KITLG: variants seen among roughly 807,000 people sequenced by gnomAD.
KITLG encodes the protein c-Kit ligand.
Under a neutral mutation model 34.1 loss-of-function variants are expected in KITLG, and 13 were observed. The observed-to-expected ratio is 0.38, with a 90% CI of 0.25 to 0.61. The LOEUF (loss-of-function observed/expected upper bound fraction) is 0.61, where lower values mean the gene tolerates loss of function less well. Among genes scored for constraint, KITLG ranks in the 20% least tolerant of loss-of-function variants. The pLI, the probability that KITLG is intolerant of heterozygous loss-of-function variation, is 0.60. For synonymous variants in KITLG, 110 were observed against 104.0 expected, an observed-to-expected ratio of 1.06 and a Z score of -0.35; for missense variants, 292 against 318.9, an observed-to-expected ratio of 0.92 and a Z score of 0.64.
intron 1 of KITLG, among the ~76,000 whole-genome samples, chr12:88,569,469 C>G (rs1488072289): frequency 6.6e-6 from 1 of 152,090 alleles, no homozygotes; most frequent in Non-Finnish European, 1.5e-5. Flanking sequence ...GGAGCCATCA[C>G]TATTGATAAG....
chr12:88,550,139 G>A (rs1252835088), intron 1 of KITLG, among the ~76,000 whole-genome samples: 4 of 152,174 alleles, frequency 2.6e-5, no homozygotes, highest in Non-Finnish European at 5.9e-5. Flanking sequence ...CAGTGAGTAT[G>A]AACAGCTGTT....
At chr12:88,536,059 A>G (rs1237630293) in intron 2 of KITLG, among the ~76,000 whole-genome samples, 1 of 152,196 alleles carries the variant, frequency 6.6e-6, no homozygotes, top group African/African-American at 2.4e-5. Flanking sequence ...TTGGGAGCTA[A>G]TTAAACTAAA....
chr12:88,554,370 A>C (rs1328391768), intron 1 of KITLG, among the ~76,000 whole-genome samples: 1 of 152,226 alleles, frequency 6.6e-6, no homozygotes, highest in Non-Finnish European at 1.5e-5. Flanking sequence ...CAAAGTCAAA[A>C]AGAGAGTTAA....
chr12:88,507,742 C>T lies in KITLG; in HGVS notation c.605-605G>A, dbSNP rs188921080. ...AGTTTGGACTTTTAATGTTGGAAAG[C>T]TTAAGACTAACACTAAGGGGAATGG... On this transcript the variant is annotated intron_variant, in intron 6 of 9. Transcript: ENST00000644744. Among the ~76,000 whole-genome samples, 260 of 152,222 alleles carry T rather than the reference C, an allele frequency of 1.7e-3. 2 individuals are homozygous for T. Among genetic ancestry groups the T allele is most frequent in the Middle Eastern group, 3.4e-3 (1 of 294 alleles).
rs1869347923 is a variant in KITLG at position 88,513,342 on chromosome 12, AG to A, written c.604+2191del. ...AAAAAAAATAATTAACCAAAAAAAA[AG>A]GGCTAGAAATAAGGAACAGAAGGTC... On this transcript the variant is annotated intron_variant, in intron 6 of 9. Coordinates refer to ENST00000644744, the MANE Select transcript of KITLG (RefSeq NM_000899.5). 2.6e-5 allele frequency among the ~76,000 whole-genome samples: 4 copies of A among 151,854 alleles called. No individual in the cohort carries two copies. The South Asian group carries it at 8.3e-4, about 32-fold the overall frequency.
chr12:88,501,796 T>C (rs1463437226), intron 9 of KITLG, among the ~76,000 whole-genome samples: 1 of 152,214 alleles, frequency 6.6e-6, no homozygotes, highest in Non-Finnish European at 1.5e-5. Context: ...TTTATTCTCA[T>C]CTTATTGTAA....
intron 9 of KITLG, among the ~76,000 whole-genome samples, chr12:88,498,209 CTTGT>C (rs937695361): frequency 3.3e-5 from 5 of 152,076 alleles, no homozygotes; most frequent in African/African-American, 1.2e-4. Context: ...TACTTTTGTC[CTTGT>C]TTATCAACCC....
At chr12:88,558,245 T>TTAAATAAA (rs375710247) in intron 1 of KITLG, among the ~76,000 whole-genome samples, 1 of 152,022 alleles carries the variant, frequency 6.6e-6, no homozygotes, top group Non-Finnish European at 1.5e-5. Context: ...ACAAGACCTT[T>TTAAATAAA]TAAATAAATA....
At chr12:88,529,168 A>T (rs1039379453) in intron 3 of KITLG, among the ~76,000 whole-genome samples, 12 of 152,318 alleles carry the variant, frequency 7.9e-5, no homozygotes, top group South Asian at 2.1e-4. Flanking sequence ...AAATTTTTTT[A>T]AAAATGAAGA....
At chr12:88,509,126 G>A (rs1869180326) in intron 6 of KITLG, among the ~76,000 whole-genome samples, 2 of 152,150 alleles carry the variant, frequency 1.3e-5, no homozygotes, top group South Asian at 2.1e-4. Flanking sequence ...TGTACACAGA[G>A]AGAACAAATA....
chr12:88,517,245 G>C (rs11104913), intron 4 of KITLG, among the ~76,000 whole-genome samples: 11,884 of 151,774 alleles, frequency 0.078, 511 homozygotes, highest in Non-Finnish European at 0.1. Context: ...AAAGAGGCAA[G>C]TCCCAAAATA....
chr12:88,528,638 CTG>C (rs1869967041), intron 3 of KITLG, among the ~76,000 whole-genome samples: 1 of 152,168 alleles, frequency 6.6e-6, no homozygotes, highest in South Asian at 2.1e-4. Context: ...GAAATACACA[CTG>C]AAGTATTTAA....
intron 1 of KITLG, among the ~76,000 whole-genome samples, chr12:88,548,031 T>A (rs767757870): frequency 1.5e-4 from 23 of 152,194 alleles, no homozygotes; most frequent in Non-Finnish European, 2.5e-4. Context: ...GGGATTGGGA[T>A]CATAATGTCT....
intron 3 of KITLG, among the ~76,000 whole-genome samples, chr12:88,519,160 C>A (rs1869567768): frequency 6.6e-6 from 1 of 151,874 alleles, no homozygotes; most frequent in South Asian, 2.1e-4. Flanking sequence ...CCGTGCCTGG[C>A]CAGATTTTTA....
At chr12:88,519,102 T>C (rs1044298685) in intron 3 of KITLG, among the ~76,000 whole-genome samples, 4 of 152,112 alleles carry the variant, frequency 2.6e-5, no homozygotes, top group African/African-American at 9.7e-5. Context: ...CCTCAAATGA[T>C]CCACCCGTCT....
At chr12:88,542,283 A>T (rs553056473) in intron 2 of KITLG, among the ~76,000 whole-genome samples, 1 of 152,312 alleles carries the variant, frequency 6.6e-6, no homozygotes, top group African/African-American at 2.4e-5. Flanking sequence ...CATAAGGCAT[A>T]TGAAGGCAGC....
In KITLG at chr12:88,538,606, T is replaced by C. The variant is rs113134670; in HGVS notation, c.130-6103A>G. ...AAAAGATTAGAAGACCACTAGGAAT[T>C]TGAATATACATTAAATGTTTACATG... On this transcript the variant is annotated intron_variant, in intron 2 of 9. Transcript: ENST00000644744. 5.8e-3 allele frequency among the ~76,000 whole-genome samples: 887 copies of C among 152,044 alleles called. 9 individuals are homozygous for C. Among genetic ancestry groups the C allele is most frequent in the African/African-American group, 0.021 (857 of 41,484 alleles).
At chr12:88,533,076 C>A (rs1870161548) in intron 2 of KITLG, among the ~76,000 whole-genome samples, 1 of 152,242 alleles carries the variant, frequency 6.6e-6, no homozygotes, top group African/African-American at 2.4e-5. Flanking sequence ...AAAAACAATG[C>A]TACTTATGAG....
chr12:88,506,527 AAAATTATG>A, intron 7 of KITLG, 149 bp from the exon 8 acceptor site: 1 of 667,250 alleles, frequency 1.5e-6, no homozygotes, highest in Non-Finnish European at 2.7e-6. Flanking sequence ...TTTGTAATAA[AAAATTATG>A]AAAGCTGCAT....
Sources: allele counts gnomAD v4.1 joint callset (sites outside exome capture counted in the v4.1 genomes callset), GRCh38; gene constraint gnomAD v4.1.1; transcripts MANE v1.5; gene names NCBI Gene and HGNC (gene_info 2026-07-23, HGNC 2026-07-21).